The following MYBPC1 variants were observed in gnomAD, a reference collection of about 807,000 sequenced individuals.
The protein encoded by MYBPC1 is myosin-binding protein C, slow-type.
In MYBPC1, 52 loss-of-function variants were observed where a neutral mutation model predicts 147.1. That is an observed-to-expected ratio of 0.35 (90% confidence interval 0.28 to 0.45). The LOEUF (loss-of-function observed/expected upper bound fraction) is 0.45. Ranked by LOEUF, MYBPC1 falls within the 20% of genes least tolerant of loss-of-function variation. MYBPC1 has a pLI of 1.00. For synonymous variants in MYBPC1, 477 were observed against 475.9 expected, an observed-to-expected ratio of 1.00 and a Z score of -0.03; for missense variants, 1,228 against 1,440.3, an observed-to-expected ratio of 0.85 and a Z score of 2.39.
chr12:101,643,394 G>A (rs1251970550), intron 11 of MYBPC1, among the ~76,000 whole-genome samples: 1 of 152,128 alleles, frequency 6.6e-6, no homozygotes, highest in African/African-American at 2.4e-5. Context: ...TTTGAGAGGT[G>A]TATTAATACT....
At position 101,669,893 on chromosome 12, in the gene MYBPC1, T is replaced by G. The variant is rs1486373057; in HGVS notation, c.2525-428T>G. On this transcript the variant is annotated intron_variant, in intron 23 of 31. Coordinates refer to ENST00000361466, the MANE Select transcript of MYBPC1 (RefSeq NM_002465.4). ...CGGAGGTTGCAGTGAGCAATGCCACTGCACTCCAGCCTGGGCGACAGAGAG... is the reference window on the plus strand; with the variant it reads ...CGGAGGTTGCAGTGAGCAATGCCACGGCACTCCAGCCTGGGCGACAGAGAG... 21 of 288,958 alleles carry G rather than the reference T, an allele frequency of 7.3e-5. No homozygotes were observed. In the Admixed American group the frequency reaches 1.3e-3, roughly 18 times the overall value. 17.9% of individuals were successfully genotyped at this position (288,958 alleles called of 1,614,324 possible). A position where few individuals can be genotyped will look rare whatever the true frequency, so the allele number is the denominator to read the frequency against.
At chr12:101,649,535 G>T (rs1209155802) in intron 15 of MYBPC1, 109 bp downstream of exon 15, 2 of 1,318,750 alleles carry the variant, frequency 1.5e-6, no homozygotes, top group Admixed American at 3.5e-5. Flanking sequence ...TGATTTTTAA[G>T]TATGTAAAAT....
At chr12:101,684,000 CTA>C (rs893897126) in intron 30 of MYBPC1, among the ~76,000 whole-genome samples, 5 of 151,876 alleles carry the variant, frequency 3.3e-5, no homozygotes, top group South Asian at 2.1e-4. Flanking sequence ...TGTCTATTGT[CTA>C]TGTTTTTCTT....
chr12:101,623,406 G>A (rs1887883659), intron 3 of MYBPC1, among the ~76,000 whole-genome samples: 1 of 152,108 alleles, frequency 6.6e-6, no homozygotes, highest in Non-Finnish European at 1.5e-5. Flanking sequence ...ACCATCACAT[G>A]TACCCCATAA....
chr12:101,647,671 G>A (rs1364873861), intron 13 of MYBPC1, among the ~76,000 whole-genome samples: 1 of 152,160 alleles, frequency 6.6e-6, no homozygotes, highest in Non-Finnish European at 1.5e-5. Flanking sequence ...GTGATCACTT[G>A]AGATCAGGAG....
intron 29 of MYBPC1, among the ~76,000 whole-genome samples, chr12:101,680,829 C>T (rs1350344453): frequency 6.6e-6 from 1 of 152,110 alleles, no homozygotes; most frequent in Non-Finnish European, 1.5e-5. Flanking sequence ...GTGTGTACAG[C>T]ATGGTAAGAA....
chr12:101,637,807 T>G (rs546554784), intron 10 of MYBPC1, among the ~76,000 whole-genome samples: 1 of 152,300 alleles, frequency 6.6e-6, no homozygotes, highest in East Asian at 1.9e-4. Context: ...CCCCTATCCC[T>G]CAACATGTAG....
Position 101,646,844 on chromosome 12 carries a change from G to A in MYBPC1, c.1047G>A (p.Val349=). 6.2e-7 allele frequency: 1 copy of A among 1,614,084 alleles called. No homozygotes were observed. The highest frequency in any genetic ancestry group is 1.7e-5 in the Admixed American group (1 of 60,024). Residue 349 remains valine (V), a synonymous_variant, in exon 13 of 32, where the codon GTG becomes GTA. Coordinates refer to ENST00000361466, the MANE Select transcript of MYBPC1 (RefSeq NM_002465.4). The part of the protein sequence containing the change: ...CQMTDDSEYY[V]TAGDEKCSTE... ...TGACAGATGATTCAGAGTATTATGT[G>A]ACAGCCGGTGATGAGAAATGTTCCA...
Position 101,677,349 on chromosome 12 carries a change from G to A in MYBPC1, c.3064G>A (p.Glu1022Lys). The A allele has an allele frequency of 6.2e-7, 1 of 1,614,048 alleles. No individual in the cohort carries two copies. The highest frequency in any genetic ancestry group is 1.1e-5 in the South Asian group (1 of 91,080). ...TTCTGAAAACATGTGTGGCCTCAGT[G>A]AGGATGCCACCATGACTAAAGAGAG... Reference protein sequence around the residue: ...VFSENMCGLSEDATMTKESAV... With the variant: ...VFSENMCGLSKDATMTKESAV... Residue 1022 changes from glutamate (E) to lysine (K), a missense_variant, in exon 27 of 32, where the codon GAG becomes AAG. Physicochemically the swap from Glu to Lys is moderately conservative, Grantham distance 56. Coordinates refer to ENST00000361466, the MANE Select transcript of MYBPC1 (RefSeq NM_002465.4).
the MYBPC1 span, among the ~76,000 whole-genome samples, chr12:101,691,098 G>T: frequency 2.0e-5 from 3 of 152,026 alleles, no homozygotes; most frequent in African/African-American, 4.8e-5. Context: ...TTTAGACAGG[G>T]TCTCACTCTG....
Position 101,614,482 on chromosome 12 carries a change from C to G in MYBPC1, c.26-14C>G. On this transcript the variant is annotated splice_polypyrimidine_tract_variant and intron_variant, in intron 1 of 31. Coordinates refer to ENST00000361466, the MANE Select transcript of MYBPC1 (RefSeq NM_002465.4). ...AAATGAGCCTGACATTTCCATGACT[C>G]TTTCCATTTCTAGAAAATGAAGTGC... 6.2e-7 allele frequency: 1 copy of G among 1,613,852 alleles called. No individual in the cohort carries two copies. The highest frequency in any genetic ancestry group is 1.1e-5 in the South Asian group (1 of 91,052).
chr12:101,652,558 C>T (rs1165666523), intron 16 of MYBPC1, 120 bp from the exon 17 acceptor site: 2 of 721,808 alleles, frequency 2.8e-6, no homozygotes, highest in East Asian at 2.7e-5. Context: ...CTCTCTCTCT[C>T]TCCCTCTCTT....
intron 3 of MYBPC1, among the ~76,000 whole-genome samples, chr12:101,619,249 A>C (rs1010148314): frequency 6.6e-6 from 1 of 150,960 alleles, no homozygotes; most frequent in Non-Finnish European, 1.5e-5. Flanking sequence ...TAACCATCCA[A>C]CTCAGGTTTC....
chr12:101,645,122 G>A (rs1249225538), intron 12 of MYBPC1, among the ~76,000 whole-genome samples: 1 of 152,048 alleles, frequency 6.6e-6, no homozygotes, highest in Non-Finnish European at 1.5e-5. Context: ...AAAATAACTT[G>A]CAATCCATAT....
intron 10 of MYBPC1, among the ~76,000 whole-genome samples, chr12:101,639,451 C>A (rs1891604356): frequency 6.6e-6 from 1 of 152,164 alleles, no homozygotes; most frequent in Non-Finnish European, 1.5e-5. Context: ...AGAGCCTTGA[C>A]CTCACATTTC....
At chr12:101,598,997 T>C (rs182776707) in intron 1 of MYBPC1, among the ~76,000 whole-genome samples, 1 of 152,358 alleles carries the variant, frequency 6.6e-6, no homozygotes, top group East Asian at 1.9e-4. Context: ...TTATATTTAA[T>C]GTACTTAACT....
intron 27 of MYBPC1, among the ~76,000 whole-genome samples, 177 bp from the exon 28 acceptor site, chr12:101,677,925 G>A (rs12309265): frequency 2.4e-3 from 370 of 152,268 alleles, no homozygotes; most frequent in African/African-American, 8.5e-3. Context: ...TCTATCCCAC[G>A]TGTGATTGGC....
intron 21 of MYBPC1, 67 bp downstream of exon 21, chr12:101,662,613 G>A (rs891284021): frequency 6.4e-7 from 1 of 1,555,094 alleles, no homozygotes; most frequent in African/African-American, 1.4e-5. Flanking sequence ...CTTTCTCTCT[G>A]ATCCCTAACT....
chr12:101,680,932 C>T (rs1183649963), intron 29 of MYBPC1, among the ~76,000 whole-genome samples: 1 of 152,084 alleles, frequency 6.6e-6, no homozygotes, highest in Non-Finnish European at 1.5e-5. Context: ...GAGTAATCTG[C>T]ACTATTTTTA....
Sources: gnomAD v4.1 joint callset for allele counts (sites outside exome capture counted in the v4.1 genomes callset) on GRCh38, gnomAD v4.1.1 for gene constraint, MANE v1.5 for transcripts, NCBI Gene and HGNC (gene_info 2026-07-23, HGNC 2026-07-21) for gene names.